The following FBXW4 variants were observed in gnomAD, a reference collection of about 807,000 sequenced individuals.
FBXW4 encodes the protein F-box/WD repeat-containing protein 4.
In FBXW4, 40 loss-of-function variants were observed where a neutral mutation model predicts 61.8. The observed-to-expected ratio is 0.65, with a 90% CI of 0.50 to 0.84. The LOEUF (loss-of-function observed/expected upper bound fraction) is 0.84, where lower values mean the gene tolerates loss of function less well. Ranked by LOEUF, FBXW4 falls within the 40% of genes least tolerant of loss-of-function variation. The probability of loss-of-function intolerance (pLI) is 0.00; values close to 1 mark genes in which losing one functional copy is unlikely to be tolerated. For synonymous variants in FBXW4, 311 were observed against 313.8 expected (o/e 0.99, Z 0.10); for missense variants, 672 against 753.8 (o/e 0.89, Z 1.27).
chr10:101,640,231 A>G (rs2064039174), intron 5 of FBXW4, among the ~76,000 whole-genome samples: 1 of 152,202 alleles, frequency 6.6e-6, no homozygotes. Flanking sequence ...GGAAAAATCT[A>G]CCTGCCCACT....
intron 1 of FBXW4, among the ~76,000 whole-genome samples, chr10:101,681,514 G>T (rs2064476186): frequency 6.6e-6 from 1 of 150,910 alleles, no homozygotes; most frequent in African/African-American, 2.4e-5. Context: ...TCAGGAGACA[G>T]AGACCATCCT....
At chr10:101,664,249 G>T (rs2064274427) in intron 5 of FBXW4, among the ~76,000 whole-genome samples, 2 of 152,188 alleles carry the variant, frequency 1.3e-5, no homozygotes, top group South Asian at 4.1e-4. Context: ...AGATAAGGTA[G>T]AAAAGTCCCA....
intron 5 of FBXW4, among the ~76,000 whole-genome samples, chr10:101,658,751 C>CG (rs2064215284): frequency 6.6e-6 from 1 of 151,954 alleles, no homozygotes; most frequent in East Asian, 1.9e-4. Context: ...TCATTATTGC[C>CG]TTTTTTACTC....
chr10:101,643,059 G>C (rs1251737567), intron 5 of FBXW4, among the ~76,000 whole-genome samples: 1 of 152,198 alleles, frequency 6.6e-6, no homozygotes, highest in Non-Finnish European at 1.5e-5. Flanking sequence ...AATAGGAGAA[G>C]GCAGGGCTTT....
intron 5 of FBXW4, among the ~76,000 whole-genome samples, chr10:101,643,277 C>T (rs1313797108): frequency 2.6e-5 from 4 of 152,240 alleles, no homozygotes; most frequent in Non-Finnish European, 5.9e-5. Flanking sequence ...GGCTGCTGGC[C>T]ATTGAGCCTT....
At chr10:101,640,816 T>C (rs2064045565) in intron 5 of FBXW4, among the ~76,000 whole-genome samples, 1 of 137,312 alleles carries the variant, frequency 7.3e-6, no homozygotes. Flanking sequence ...CTGCCCAACC[T>C]AGACTCTTCC....
chr10:101,664,673 T>C (rs2064281450), intron 5 of FBXW4, among the ~76,000 whole-genome samples: 1 of 152,102 alleles, frequency 6.6e-6, no homozygotes, highest in Non-Finnish European at 1.5e-5. Context: ...AGGAAAAGGG[T>C]ACAGACTTGA....
intron 1 of FBXW4, among the ~76,000 whole-genome samples, chr10:101,683,769 C>A (rs2064503531): frequency 6.6e-6 from 1 of 152,074 alleles, no homozygotes; most frequent in Non-Finnish European, 1.5e-5. Flanking sequence ...CTTGATTCCC[C>A]TGGAAGCCAC....
intron 6 of FBXW4, among the ~76,000 whole-genome samples, chr10:101,620,882 CAAAT>C (rs762537720): frequency 6.6e-6 from 1 of 152,086 alleles, no homozygotes; most frequent in Non-Finnish European, 1.5e-5. Flanking sequence ...GAATAACAGT[CAAAT>C]AAATGGTGCC....
At chr10:101,636,238 A>C (rs1422733266) in intron 5 of FBXW4, among the ~76,000 whole-genome samples, 1 of 151,900 alleles carries the variant, frequency 6.6e-6, no homozygotes, top group Non-Finnish European at 1.5e-5. Context: ...GCACCACCTA[A>C]CTACTCAGGA....
At chr10:101,667,130 C>T (rs2064310318) in intron 5 of FBXW4, among the ~76,000 whole-genome samples, 1 of 150,856 alleles carries the variant, frequency 6.6e-6, no homozygotes. Flanking sequence ...ACTCGGGAGG[C>T]TGAGGCAGGG....
At chr10:101,612,307 C>T (rs377127804) in intron 7 of FBXW4, 30 bp downstream of exon 7, 7 of 1,507,704 alleles carry the variant, frequency 4.6e-6, no homozygotes, top group Admixed American at 2.0e-5. Context: ...AGGGCCCCCA[C>T]CACCTGTCCT....
chr10:101,673,791 T>G (rs2064381906), intron 2 of FBXW4, 118 bp from the exon 3 acceptor site: 2 of 908,600 alleles, frequency 2.2e-6, no homozygotes, highest in Non-Finnish European at 3.3e-6. Flanking sequence ...CAAGGCTTAT[T>G]ATCTATACTT....
intron 5 of FBXW4, among the ~76,000 whole-genome samples, chr10:101,665,446 T>C (rs1015645859): frequency 5.9e-5 from 9 of 151,852 alleles, no homozygotes; most frequent in African/African-American, 2.2e-4. Flanking sequence ...CAAAAAATCA[T>C]CCCAGGGCCA....
chr10:101,664,590 A>T (rs1321766261), intron 5 of FBXW4, among the ~76,000 whole-genome samples: 1 of 152,192 alleles, frequency 6.6e-6, no homozygotes, highest in Non-Finnish European at 1.5e-5. Context: ...GGGGGAAGAG[A>T]GATTCCTACT....
intron 5 of FBXW4, among the ~76,000 whole-genome samples, chr10:101,646,934 C>T (rs1243164997): frequency 1.3e-5 from 2 of 152,188 alleles, no homozygotes; most frequent in African/African-American, 4.8e-5. Context: ...CGGAGTTGGT[C>T]TCAAGAGGCT....
chr10:101,627,202 G>A (rs985395632), intron 5 of FBXW4, among the ~76,000 whole-genome samples: 1 of 152,040 alleles, frequency 6.6e-6, no homozygotes, highest in African/African-American at 2.4e-5. Context: ...CCTGTGAAGT[G>A]CTTTCTTAAC....
At chr10:101,691,643 C>T (rs2064605005) in intron 1 of FBXW4, among the ~76,000 whole-genome samples, 1 of 152,026 alleles carries the variant, frequency 6.6e-6, no homozygotes, top group South Asian at 2.1e-4. Flanking sequence ...TGAAAATAAA[C>T]ATCAATTCTT....
intron 5 of FBXW4, among the ~76,000 whole-genome samples, chr10:101,654,569 T>C (rs913733170): frequency 6.6e-6 from 1 of 152,152 alleles, no homozygotes; most frequent in Non-Finnish European, 1.5e-5. Flanking sequence ...ATAAAAAATT[T>C]AAATACATTA....
Sources: allele counts gnomAD v4.1 joint callset (sites outside exome capture counted in the v4.1 genomes callset), GRCh38; gene constraint gnomAD v4.1.1; transcripts MANE v1.5; gene names NCBI Gene and HGNC (gene_info 2026-07-23, HGNC 2026-07-21).